Variants in COX10 observed in about 807,000 individuals in gnomAD.
The protein encoded by COX10 is protoheme IX farnesyltransferase, mitochondrial.
Under a neutral mutation model 37.3 loss-of-function variants are expected in COX10, and 27 were observed. That is an observed-to-expected ratio of 0.72 (90% CI 0.53 to 1.00). The LOEUF is 1.00. COX10 is among the 50% of genes least tolerant of loss of function. The pLI is 0.00. For synonymous variants in COX10, 222 were observed against 229.1 expected, an observed-to-expected ratio of 0.97 and a Z score of 0.28; for missense variants, 475 against 563.2, an observed-to-expected ratio of 0.84 and a Z score of 1.59.
intron 5 of COX10, among the ~76,000 whole-genome samples, chr17:14,188,673 AAAAG>A (rs1390569783): frequency 6.6e-6 from 1 of 152,192 alleles, no homozygotes; most frequent in African/African-American, 2.4e-5. Flanking sequence ...TTAGGAAACA[AAAAG>A]AAGGCAGAGG....
intron 4 of COX10, among the ~76,000 whole-genome samples, chr17:14,156,791 A>C (rs1392452037): frequency 6.6e-6 from 1 of 152,234 alleles, no homozygotes; most frequent in African/African-American, 2.4e-5. Context: ...AGCTGGGTTC[A>C]GAGCCCGTTC....
Position 14,082,378 on chromosome 17 carries a change from T to A in COX10, c.499+5322T>A, listed in dbSNP as rs554693429. ...TATTTGCCAGTTAGGAAGTCAGTGT[T>A]GACTGGTTGCTAAATCAGGGAATAG... On this transcript the variant is annotated intron_variant, in intron 3 of 6. Transcript: ENST00000261643. 3.9e-5 allele frequency among the ~76,000 whole-genome samples: 6 copies of A among 152,332 alleles called. No individual in the cohort carries two copies. The South Asian group carries it at 1.2e-3, about 32-fold the overall frequency.
intron 4 of COX10, among the ~76,000 whole-genome samples, chr17:14,145,316 A>G (rs1904680719): frequency 6.6e-6 from 1 of 152,172 alleles, no homozygotes. Context: ...TGTACTTGTA[A>G]TGAATCCTCT....
intron 4 of COX10, among the ~76,000 whole-genome samples, chr17:14,127,386 T>C (rs1400072967): frequency 2.6e-5 from 4 of 152,304 alleles, no homozygotes; most frequent in South Asian, 2.1e-4. Flanking sequence ...TTATTATTTT[T>C]ACTCCATTAC....
At position 14,208,589 on chromosome 17, in the gene COX10, G is replaced by A. The variant is rs1351076366; in HGVS notation, c.*1376G>A. 6.6e-6 allele frequency: 1 copy of A among 152,186 alleles called. No homozygotes were observed. The highest frequency in any genetic ancestry group is 2.4e-5 in the African/African-American group (1 of 41,428). The allele number at this position is 152,186 out of a possible 1,614,324, so 9.4% of individuals were successfully genotyped here. A position where few individuals can be genotyped will look rare whatever the true frequency, so the allele number is the denominator to read the frequency against. On this transcript the variant is annotated 3_prime_UTR_variant, in exon 7 of 7. Coordinates refer to ENST00000261643, the MANE Select transcript of COX10 (RefSeq NM_001303.4). ...TGGAGAACATTGCATAGGAATGTCTGGAAAAAGCCTCTACAACTTGTTACA... is the reference window on the plus strand; with the variant it reads ...TGGAGAACATTGCATAGGAATGTCTAGAAAAAGCCTCTACAACTTGTTACA...
intron 6 of COX10, among the ~76,000 whole-genome samples, chr17:14,205,487 G>T (rs891457241): frequency 6.6e-6 from 1 of 152,212 alleles, no homozygotes; most frequent in African/African-American, 2.4e-5. Flanking sequence ...TGACTGAAGG[G>T]TCTGCTCGGT....
chr17:14,180,672 G>C (rs1905830763), intron 5 of COX10, among the ~76,000 whole-genome samples: 1 of 152,166 alleles, frequency 6.6e-6, no homozygotes, highest in Non-Finnish European at 1.5e-5. Context: ...AACTGTCATA[G>C]TAACTTAGTC....
intron 4 of COX10, among the ~76,000 whole-genome samples, chr17:14,116,100 GT>G (rs923293137): frequency 3.0e-4 from 45 of 151,976 alleles, no homozygotes; most frequent in African/African-American, 1.0e-3. Context: ...CAGCATAGCA[GT>G]TTTTTTTCAT....
intron 4 of COX10, among the ~76,000 whole-genome samples, chr17:14,145,483 G>A (rs1490961824): frequency 6.6e-6 from 1 of 152,068 alleles, no homozygotes; most frequent in Non-Finnish European, 1.5e-5. Context: ...TAGAGTGAGT[G>A]AAGACCTGAA....
chr17:14,092,318 A>G (rs1027976297), intron 3 of COX10, among the ~76,000 whole-genome samples: 2 of 152,158 alleles, frequency 1.3e-5, no homozygotes, highest in Admixed American at 6.5e-5. Context: ...TTTTGGAATC[A>G]GTATTGCTTA....
At chr17:14,094,820 T>G (rs753240890) in intron 3 of COX10, among the ~76,000 whole-genome samples, 41 of 152,218 alleles carry the variant, frequency 2.7e-4, no homozygotes, top group Non-Finnish European at 4.8e-4. Context: ...AAGCCCTTAT[T>G]ATTTACCAGA....
chr17:14,206,984 C>T lies in COX10; in HGVS notation c.1103C>T (p.Ser368Phe). ...CACTGCCTGGCCCTGCTCGTGCTGT[C>T]CGCAGCAGCCCCTGTGCTGGACATC... ...LRHCLALLVL[S>F]AAAPVLDITT... is the part of the protein sequence containing the mutation. The change falls in exon 7 of 7, where the codon TCC becomes TTC. Residue 368 changes from serine (S) to phenylalanine (F), a missense_variant. This residue lies in a region of COX10 where 160 missense variants were observed against 180.6 expected (regional missense o/e 0.89). Coordinates refer to ENST00000261643, the MANE Select transcript of COX10 (RefSeq NM_001303.4). 1 of 1,614,054 alleles carries T rather than the reference C, an allele frequency of 6.2e-7. No homozygotes were observed. Among genetic ancestry groups the T allele is most frequent in the East Asian group, 2.2e-5 (1 of 44,862 alleles).
At chr17:14,129,194 AT>A (rs1916410343) in intron 4 of COX10, among the ~76,000 whole-genome samples, 2 of 151,378 alleles carry the variant, frequency 1.3e-5, no homozygotes, top group South Asian at 2.1e-4. Flanking sequence ...GTAAAAAAAA[AT>A]CTTCCTTTTT....
At chr17:14,089,127 T>C (rs1468315464) in intron 3 of COX10, among the ~76,000 whole-genome samples, 1 of 152,202 alleles carries the variant, frequency 6.6e-6, no homozygotes, top group Non-Finnish European at 1.5e-5. Flanking sequence ...AGTAGCCAAC[T>C]TCTCTGTCCT....
chr17:14,078,757 A>G, intron 3 of COX10, among the ~76,000 whole-genome samples: 1 of 152,054 alleles, frequency 6.6e-6, no homozygotes, highest in Non-Finnish European at 1.5e-5. Flanking sequence ...AACTTATACG[A>G]GTCTATAGTT....
intron 6 of COX10, among the ~76,000 whole-genome samples, chr17:14,206,590 A>AG (rs1906707219): frequency 6.6e-6 from 1 of 152,214 alleles, no homozygotes; most frequent in Admixed American, 6.5e-5. Context: ...TGGCACCCCC[A>AG]GGTGAGAAAG....
intron 3 of COX10, among the ~76,000 whole-genome samples, chr17:14,081,515 A>G (rs1247091880): frequency 6.6e-6 from 1 of 152,172 alleles, no homozygotes; most frequent in African/African-American, 2.4e-5. Flanking sequence ...CCCTTTTGTC[A>G]TTTATTATTC....
chr17:14,117,591 C>G, intron 4 of COX10, among the ~76,000 whole-genome samples: 1 of 152,306 alleles, frequency 6.6e-6, no homozygotes, highest in African/African-American at 2.4e-5. Flanking sequence ...CCTTCAGTAA[C>G]CTGCTGCTCA....
At chr17:14,105,592 T>C (rs971195374) in intron 4 of COX10, among the ~76,000 whole-genome samples, 4 of 152,244 alleles carry the variant, frequency 2.6e-5, no homozygotes, top group Non-Finnish European at 4.4e-5. Context: ...TTTGTTTTGC[T>C]ATTGAATTAT....
Sources: gnomAD v4.1 joint callset for allele counts (sites outside exome capture counted in the v4.1 genomes callset) on GRCh38, gnomAD v4.1.1 for gene constraint, gnomAD v4.1.1 regional missense constraint, MANE v1.5 for transcripts, NCBI Gene and HGNC (gene_info 2026-07-23, HGNC 2026-07-21) for gene names.